STARD13: variants seen among roughly 807,000 people sequenced by gnomAD.
STARD13 encodes the protein stAR-related lipid transfer protein 13.
Under a neutral mutation model 106.4 loss-of-function variants are expected in STARD13, and 62 were observed. The ratio of observed to expected loss-of-function variants is 0.58; its 90% CI spans 0.48 to 0.72. The LOEUF is 0.72. Among genes scored for constraint, STARD13 ranks in the 30% least tolerant of loss-of-function variants. The pLI is 0.00. For missense variants in STARD13, 1,387 were observed against 1,424.0 expected (o/e 0.97, Z 0.42); for synonymous variants, 565 against 553.0 (o/e 1.02, Z -0.31).
the STARD13 span, among the ~76,000 whole-genome samples, chr13:33,581,812 ATATACTCC>A: frequency 6.6e-6 from 1 of 152,174 alleles, no homozygotes; most frequent in Admixed American, 6.6e-5. Context: ...CTGGGTGAAT[ATATACTCC>A]TAAACTTAAC....
At chr13:33,321,760 T>G (rs1893568428) in intron 1 of STARD13, among the ~76,000 whole-genome samples, 1 of 152,168 alleles carries the variant, frequency 6.6e-6, no homozygotes, top group Non-Finnish European at 1.5e-5. Flanking sequence ...CAGTCCACAT[T>G]GCTTATTTCT....
Position 33,105,525 on chromosome 13 carries a change from C to A in STARD13, c.*68G>T. 2.7e-6 allele frequency: 3 copies of A among 1,110,932 alleles called. No homozygotes were observed. The highest frequency in any genetic ancestry group is 1.5e-5 in the African/African-American group (1 of 65,428). The allele number at this position is 1,110,932 out of a possible 1,614,324, so 68.8% of individuals were successfully genotyped here. ...CCTCTTTCTCTCGCTTTCTCACATG[C>A]ACACTCTCTGCCACACTCGTCACTT... On this transcript the variant is annotated 3_prime_UTR_variant, in exon 14 of 14. Coordinates refer to ENST00000336934, the MANE Select transcript of STARD13 (RefSeq NM_178006.4).
intron 1 of STARD13, among the ~76,000 whole-genome samples, chr13:33,219,011 A>G (rs966576938): frequency 3.9e-5 from 6 of 152,198 alleles, no homozygotes; most frequent in Non-Finnish European, 8.8e-5. Context: ...CTGGAAATCT[A>G]CAGGGCGTCT....
At chr13:33,161,195 G>GA (rs1566036254) in intron 3 of STARD13, among the ~76,000 whole-genome samples, 1 of 152,162 alleles carries the variant, frequency 6.6e-6, no homozygotes, top group East Asian at 1.9e-4. Context: ...TCATTTGTAT[G>GA]ATATTTTAGC....
chr13:33,630,548 A>G, the STARD13 span, among the ~76,000 whole-genome samples: 1 of 152,208 alleles, frequency 6.6e-6, no homozygotes, highest in East Asian at 1.9e-4. Context: ...ATGCAATATT[A>G]GGCTCTGAAC....
chr13:33,574,921 T>TA, the STARD13 span, among the ~76,000 whole-genome samples: 2 of 147,774 alleles, frequency 1.4e-5, no homozygotes, highest in Non-Finnish European at 3.0e-5. Flanking sequence ...TACTTTTTTT[T>TA]TTTTTTTTTT....
chr13:33,603,746 T>A, the STARD13 span, among the ~76,000 whole-genome samples: 1 of 152,130 alleles, frequency 6.6e-6, no homozygotes, highest in Admixed American at 6.5e-5. Context: ...ATTTTAAAAA[T>A]TTTTCACTGG....
chr13:33,121,001 A>T (rs908481537), intron 7 of STARD13, among the ~76,000 whole-genome samples: 1 of 152,004 alleles, frequency 6.6e-6, no homozygotes, highest in Non-Finnish European at 1.5e-5. Context: ...TTGGCCTCCC[A>T]AAGTGCTGGC....
intron 1 of STARD13, among the ~76,000 whole-genome samples, chr13:33,234,067 T>C (rs745678054): frequency 2.2e-4 from 34 of 152,224 alleles, no homozygotes; most frequent in Non-Finnish European, 4.1e-4. Context: ...TATGATCATA[T>C]CTGTGTACAT....
chr13:33,152,357 A>G (rs1258945197), intron 3 of STARD13, among the ~76,000 whole-genome samples: 4 of 151,682 alleles, frequency 2.6e-5, no homozygotes, highest in Non-Finnish European at 5.9e-5. Context: ...TTCTCTTCTC[A>G]AAACCCATGC....
At chr13:33,624,484 G>A in the STARD13 span, among the ~76,000 whole-genome samples, 18,132 of 152,092 alleles carry the variant, frequency 0.12, 2,700 homozygotes, top group African/African-American at 0.36. Context: ...TTATGTATTT[G>A]TTTACTTCCC....
the STARD13 span, among the ~76,000 whole-genome samples, chr13:33,507,501 C>T: frequency 1.3e-5 from 2 of 151,996 alleles, no homozygotes; most frequent in African/African-American, 4.8e-5. Context: ...GTCCTTAATA[C>T]ATTTTAAGGG....
At chr13:33,636,632 C>G in the STARD13 span, among the ~76,000 whole-genome samples, 1 of 152,202 alleles carries the variant, frequency 6.6e-6, no homozygotes, top group African/African-American at 2.4e-5. Context: ...GAAGTCTATT[C>G]CTGTATCTCC....
chr13:33,648,910 G>C, the STARD13 span, among the ~76,000 whole-genome samples: 1 of 148,394 alleles, frequency 6.7e-6, no homozygotes, highest in East Asian at 2.0e-4. Flanking sequence ...TCCTGCTTCA[G>C]CCTTCCCTAG....
chr13:33,194,408 A>T (rs1007892986), intron 1 of STARD13, among the ~76,000 whole-genome samples: 3 of 152,166 alleles, frequency 2.0e-5, no homozygotes, highest in Non-Finnish European at 4.4e-5. Flanking sequence ...TCATTAAAAA[A>T]ATATTTTGAC....
chr13:33,173,888 C>T (rs1490360982), intron 1 of STARD13, among the ~76,000 whole-genome samples: 1 of 152,194 alleles, frequency 6.6e-6, no homozygotes, highest in Non-Finnish European at 1.5e-5. Context: ...TACCTGTACT[C>T]AGTCAAGACA....
At chr13:33,254,696 G>A (rs941382962) in intron 1 of STARD13, among the ~76,000 whole-genome samples, 5 of 152,182 alleles carry the variant, frequency 3.3e-5, no homozygotes, top group African/African-American at 1.2e-4. Flanking sequence ...GTGGAATGAC[G>A]TGGCAGAGAA....
At chr13:33,542,326 C>T in the STARD13 span, among the ~76,000 whole-genome samples, 3 of 152,338 alleles carry the variant, frequency 2.0e-5, no homozygotes, top group Admixed American at 2.0e-4. Flanking sequence ...TCGCTAAGGA[C>T]TAAGAAAACA....
chr13:33,519,274 TTTCTTTC>T, the STARD13 span, among the ~76,000 whole-genome samples: 9 of 134,990 alleles, frequency 6.7e-5, no homozygotes, highest in Admixed American at 2.3e-4. Context: ...CTTTCTTTCT[TTTCTTTC>T]TCTTTCTTTC....
Sources: gnomAD v4.1 joint callset for allele counts (sites outside exome capture counted in the v4.1 genomes callset) on GRCh38, gnomAD v4.1.1 for gene constraint, MANE v1.5 for transcripts, NCBI Gene and HGNC (gene_info 2026-07-23, HGNC 2026-07-21) for gene names.